RBPJ: variants seen among roughly 807,000 people sequenced by gnomAD.
RBPJ encodes the protein recombination signal binding protein for immunoglobulin kappa J region.
A neutral mutation model predicts 67.8 loss-of-function variants in RBPJ; 9 were observed. That is an observed-to-expected ratio of 0.13 (90% CI 0.08 to 0.23). The LOEUF is 0.23. RBPJ is among the 10% of genes least tolerant of loss of function. The pLI is 1.00. For missense variants in RBPJ, 305 were observed against 595.6 expected (o/e 0.51, Z 5.08); for synonymous variants, 198 against 203.3 (o/e 0.97, Z 0.22).
At chr4:26,374,404 A>G (rs946114947) in intron 1 of RBPJ, among the ~76,000 whole-genome samples, 1 of 151,900 alleles carries the variant, frequency 6.6e-6, no homozygotes, top group Non-Finnish European at 1.5e-5. Flanking sequence ...AATCAGTGCT[A>G]TATCATAGAA....
chr4:26,113,429 G>A, the RBPJ span: 1 of 547,310 alleles, frequency 1.8e-6, no homozygotes, highest in Non-Finnish European at 3.5e-6. Flanking sequence ...ATGGGGAAAA[G>A]CCTTTTGCCA....
At chr4:26,110,106 A>G in the RBPJ span, among the ~76,000 whole-genome samples, 6 of 152,120 alleles carry the variant, frequency 3.9e-5, no homozygotes, top group Non-Finnish European at 8.8e-5. This position sits in a 1 kb window ranked among gnomAD's most constrained non-coding sequence, Gnocchi z 4.5. Flanking sequence ...ATTCCCCAAC[A>G]CAGTAGAAAT....
intron 1 of RBPJ, among the ~76,000 whole-genome samples, chr4:26,166,886 T>C (rs1008897977): frequency 6.6e-6 from 1 of 152,226 alleles, no homozygotes. Context: ...CTTGAATTAA[T>C]GTTTGTATAA....
intron 1 of RBPJ, among the ~76,000 whole-genome samples, chr4:26,169,280 C>T (rs973846213): frequency 2.0e-5 from 3 of 152,156 alleles, no homozygotes; most frequent in Non-Finnish European, 4.4e-5. Flanking sequence ...TGTTAGTTTT[C>T]CTTCTAACAG....
chr4:26,406,718 T>C (rs1236019824), intron 3 of RBPJ, among the ~76,000 whole-genome samples: 2 of 152,202 alleles, frequency 1.3e-5, no homozygotes, highest in African/African-American at 4.8e-5. Context: ...CCTAAATACG[T>C]TAAGTGCAAG....
rs758873383 is a variant in RBPJ, at chr4:26,428,869, T to G, written c.888+9T>G. 1.9e-6 allele frequency: 3 copies of G among 1,591,874 alleles called. No homozygotes were observed. Among genetic ancestry groups the G allele is most frequent in the Non-Finnish European group, 2.6e-6 (3 of 1,160,988 alleles). ...GAATAATTCAATTTCAGGTATGTTT[T>G]TAAATTACTGGTGAAATCTAAAATG... On this transcript the variant is annotated intron_variant, in intron 8 of 10. Transcript: ENST00000355476.
intron 1 of RBPJ, among the ~76,000 whole-genome samples, chr4:26,378,641 C>T (rs1414392591): frequency 1.3e-5 from 2 of 152,204 alleles, no homozygotes; most frequent in Non-Finnish European, 2.9e-5. Flanking sequence ...TGCTTCTTTA[C>T]ATAAACTGCT....
At chr4:26,336,186 G>T (rs575878878) in intron 1 of RBPJ, among the ~76,000 whole-genome samples, 2 of 152,252 alleles carry the variant, frequency 1.3e-5, no homozygotes, top group Non-Finnish European at 1.5e-5. Context: ...AAGACAGTTC[G>T]CTAGATCCCA....
At chr4:26,293,309 C>G (rs62409736) in intron 1 of RBPJ, among the ~76,000 whole-genome samples, 1 of 150,274 alleles carries the variant, frequency 6.7e-6, no homozygotes, top group South Asian at 2.1e-4. Context: ...CCCTCAGCTT[C>G]CTTTTTTTTT....
chr4:26,219,769 T>TG (rs1426550465), intron 1 of RBPJ, among the ~76,000 whole-genome samples: 1 of 152,060 alleles, frequency 6.6e-6, no homozygotes, highest in Non-Finnish European at 1.5e-5. Context: ...TCAGGTTTTT[T>TG]TTGTTGTTGT....
chr4:26,173,791 G>T (rs1282240587), intron 1 of RBPJ, among the ~76,000 whole-genome samples: 2 of 152,204 alleles, frequency 1.3e-5, no homozygotes, highest in South Asian at 4.1e-4. Context: ...CCACGGGCTG[G>T]GCACTGGACT....
At chr4:26,364,071 CT>C (rs1728354568) in intron 1 of RBPJ, among the ~76,000 whole-genome samples, 1 of 152,088 alleles carries the variant, frequency 6.6e-6, no homozygotes, top group Admixed American at 6.5e-5. Flanking sequence ...AGATTCAGAA[CT>C]CTCTTTTAGG....
chr4:26,359,019 C>G (rs186939371), intron 1 of RBPJ, among the ~76,000 whole-genome samples: 1 of 152,246 alleles, frequency 6.6e-6, no homozygotes, highest in East Asian at 1.9e-4. Flanking sequence ...AGTAGAGGAT[C>G]TAGGAATCAG....
chr4:26,425,602 C>G (rs943680939), intron 7 of RBPJ, among the ~76,000 whole-genome samples: 1 of 152,066 alleles, frequency 6.6e-6, no homozygotes, highest in African/African-American at 2.4e-5. Flanking sequence ...GAATGAGATC[C>G]TATCTCAACA....
At chr4:26,188,928 G>C (rs1717377080) in intron 1 of RBPJ, among the ~76,000 whole-genome samples, 1 of 152,178 alleles carries the variant, frequency 6.6e-6, no homozygotes, top group African/African-American at 2.4e-5. Flanking sequence ...CTCATAACTT[G>C]ATTTGCAATA....
chr4:26,399,496 G>C (rs1732529207), intron 2 of RBPJ, among the ~76,000 whole-genome samples: 1 of 149,502 alleles, frequency 6.7e-6, no homozygotes, highest in Non-Finnish European at 1.5e-5. Flanking sequence ...TTTCACTGTA[G>C]TATTCTCTTT....
chr4:26,399,469 C>T (rs1316239897), intron 2 of RBPJ, among the ~76,000 whole-genome samples: 1 of 151,766 alleles, frequency 6.6e-6, no homozygotes, highest in Non-Finnish European at 1.5e-5. Flanking sequence ...ATGAGCTTAT[C>T]TTACCATTCA....
At chr4:26,228,520 C>T (rs1165669609) in intron 1 of RBPJ, among the ~76,000 whole-genome samples, 1 of 152,136 alleles carries the variant, frequency 6.6e-6, no homozygotes, top group Non-Finnish European at 1.5e-5. Context: ...CGATTTCATT[C>T]TACATTTTTC....
At chr4:26,121,677 GA>G in the RBPJ span, among the ~76,000 whole-genome samples, 1 of 151,370 alleles carries the variant, frequency 6.6e-6, no homozygotes, top group Non-Finnish European at 1.5e-5. Flanking sequence ...AACCAAAATG[GA>G]AAAAAAACAA....
Sources: allele counts gnomAD v4.1 joint callset (sites outside exome capture counted in the v4.1 genomes callset), GRCh38; gene constraint gnomAD v4.1.1; non-coding constraint Gnocchi (gnomAD v3.1); transcripts MANE v1.5; gene names NCBI Gene and HGNC (gene_info 2026-07-23, HGNC 2026-07-21).